Variants in DIAPH3 observed in about 807,000 individuals in gnomAD.
DIAPH3 encodes protein diaphanous homolog 3.
DIAPH3 carries 117 observed loss-of-function variants against 144.3 expected under a neutral mutation model. The ratio of observed to expected loss-of-function variants is 0.81; its 90% confidence interval spans 0.70 to 0.95. DIAPH3 has a LOEUF of 0.95. Ranked by LOEUF, DIAPH3 falls within the 40% of genes least tolerant of loss-of-function variation. The probability of loss-of-function intolerance (pLI) is 0.00; values close to 1 mark genes in which losing one functional copy is unlikely to be tolerated. For synonymous variants in DIAPH3, 519 were observed against 488.9 expected (o/e 1.06, Z -0.81); for missense variants, 1,421 against 1,412.7 (o/e 1.01, Z -0.09).
At chr13:59,967,073 T>C (rs989517453) in intron 17 of DIAPH3, among the ~76,000 whole-genome samples, 10 of 151,984 alleles carry the variant, frequency 6.6e-5, no homozygotes, top group Non-Finnish European at 1.3e-4. Flanking sequence ...TTTTGTTTTT[T>C]TGTGTTTTTT....
intron 27 of DIAPH3, among the ~76,000 whole-genome samples, chr13:59,772,931 C>G (rs1322340195): frequency 6.6e-6 from 1 of 152,066 alleles, no homozygotes; most frequent in Non-Finnish European, 1.5e-5. Flanking sequence ...GCTCTGTACT[C>G]TGGAAGTTTT....
At chr13:59,878,063 A>T (rs1263362368) in intron 21 of DIAPH3, among the ~76,000 whole-genome samples, 2 of 152,162 alleles carry the variant, frequency 1.3e-5, no homozygotes, top group Admixed American at 1.3e-4. Context: ...TGTGGAAAAT[A>T]TGAGTCTCAT....
At chr13:59,846,424 C>A (rs1273766293) in intron 22 of DIAPH3, among the ~76,000 whole-genome samples, 4 of 152,072 alleles carry the variant, frequency 2.6e-5, no homozygotes, top group African/African-American at 7.2e-5. Context: ...CTAAATCAAA[C>A]CTTCCTACAC....
chr13:59,965,632 T>C (rs1420296238), intron 17 of DIAPH3, among the ~76,000 whole-genome samples: 1 of 152,014 alleles, frequency 6.6e-6, no homozygotes, highest in East Asian at 1.9e-4. Context: ...TTCAGAGAGA[T>C]AGATAAACAA....
intron 23 of DIAPH3, chr13:59,838,008 T>A (rs1321052092): frequency 6.6e-6 from 1 of 152,084 alleles, no homozygotes; most frequent in East Asian, 1.9e-4. Flanking sequence ...ACAAGCCAAA[T>A]ATTAATTTTG....
intron 27 of DIAPH3, among the ~76,000 whole-genome samples, chr13:59,679,172 A>G (rs141771002): frequency 6.6e-6 from 1 of 152,340 alleles, no homozygotes; most frequent in East Asian, 1.9e-4. Context: ...GGAAAATAGT[A>G]AAAGGAATAG....
rs1294194529 is a variant in DIAPH3, at chr13:59,861,219, C to G, written c.2737+188G>C. On this transcript the variant is annotated intron_variant, in intron 22 of 27. Coordinates refer to ENST00000400324, the MANE Select transcript of DIAPH3 (RefSeq NM_001042517.2). The stretch of plus-strand genomic sequence containing the variant: ...TATAAGGCCTCATCATCTAACTAAA[C>G]AAATTAAACTCATAGCTCCAATCAT... 4.0e-6 allele frequency: 6 copies of G among 1,486,100 alleles called. No homozygotes were observed. In the East Asian group the frequency reaches 7.4e-5, roughly 18 times the overall value. The allele number at this position is 1,486,100 out of a possible 1,614,324, so 92.1% of individuals were successfully genotyped here.
intron 23 of DIAPH3, among the ~76,000 whole-genome samples, chr13:59,834,106 AAC>A (rs1340322401): frequency 6.6e-6 from 1 of 151,758 alleles, no homozygotes; most frequent in Non-Finnish European, 1.5e-5. Flanking sequence ...TATATTTCAA[AAC>A]ACACTGAAAT....
At chr13:59,730,476 T>G (rs982312463) in intron 27 of DIAPH3, among the ~76,000 whole-genome samples, 3 of 152,158 alleles carry the variant, frequency 2.0e-5, no homozygotes, top group African/African-American at 7.2e-5. Context: ...ATTTTTATTA[T>G]AAAAGGAGAG....
chr13:59,889,414 A>G (rs949490624), intron 20 of DIAPH3, among the ~76,000 whole-genome samples: 1 of 152,024 alleles, frequency 6.6e-6, no homozygotes, highest in Non-Finnish European at 1.5e-5. Context: ...AAAATTTTTA[A>G]TTTAGTTATT....
chr13:59,810,036 A>G (rs2040391542), intron 25 of DIAPH3, among the ~76,000 whole-genome samples: 1 of 152,154 alleles, frequency 6.6e-6, no homozygotes, highest in South Asian at 2.1e-4. Flanking sequence ...TGAAATACAT[A>G]TATACATATG....
At chr13:59,850,109 GCT>G (rs1173930947) in intron 22 of DIAPH3, among the ~76,000 whole-genome samples, 1 of 150,964 alleles carries the variant, frequency 6.6e-6, no homozygotes, top group South Asian at 2.1e-4. Context: ...TCATGATTTG[GCT>G]CTCTGTTTGT....
At chr13:59,947,459 G>A (rs1242608676) in intron 17 of DIAPH3, among the ~76,000 whole-genome samples, 4 of 152,132 alleles carry the variant, frequency 2.6e-5, no homozygotes, top group Non-Finnish European at 5.9e-5. Flanking sequence ...ATGAAAAGAA[G>A]TAATATTTTT....
At chr13:60,147,845 A>C (rs1951602067) in intron 1 of DIAPH3, among the ~76,000 whole-genome samples, 1 of 152,218 alleles carries the variant, frequency 6.6e-6, no homozygotes, top group Admixed American at 6.5e-5. Context: ...CAGGTTCCAT[A>C]ATCACACTTG....
At chr13:59,794,987 T>C (rs2039515125) in intron 25 of DIAPH3, among the ~76,000 whole-genome samples, 3 of 152,226 alleles carry the variant, frequency 2.0e-5, no homozygotes, top group Non-Finnish European at 1.5e-5. Context: ...ACATGCTTTG[T>C]AGGTCATTAG....
chr13:60,069,765 T>C (rs1009321860), intron 4 of DIAPH3, among the ~76,000 whole-genome samples: 1 of 152,194 alleles, frequency 6.6e-6, no homozygotes, highest in East Asian at 1.9e-4. Flanking sequence ...TTGTCAACTT[T>C]GTCAAAGATC....
chr13:59,686,507 T>C (rs1344482227), intron 27 of DIAPH3, among the ~76,000 whole-genome samples: 7 of 145,524 alleles, frequency 4.8e-5, no homozygotes, highest in Non-Finnish European at 1.1e-4. Flanking sequence ...CTTTGGGCTC[T>C]TCAGGAAAAA....
At chr13:60,092,521 G>C (rs571246847) in intron 4 of DIAPH3, among the ~76,000 whole-genome samples, 4 of 152,104 alleles carry the variant, frequency 2.6e-5, no homozygotes, top group Non-Finnish European at 5.9e-5. Context: ...CGTGGTGGCA[G>C]GCGCCTGTAG....
intron 1 of DIAPH3, among the ~76,000 whole-genome samples, chr13:60,138,044 T>C (rs939398175): frequency 6.6e-6 from 1 of 152,098 alleles, no homozygotes; most frequent in Admixed American, 6.6e-5. Flanking sequence ...GTCATTTAAG[T>C]GGGTTATGAG....
Sources: gnomAD v4.1 joint callset for allele counts (sites outside exome capture counted in the v4.1 genomes callset) on GRCh38, gnomAD v4.1.1 for gene constraint, MANE v1.5 for transcripts, NCBI Gene and HGNC (gene_info 2026-07-23, HGNC 2026-07-21) for gene names.